ZNF665: variants seen among roughly 807,000 people sequenced by gnomAD.
ZNF665 encodes the protein zinc finger protein 665.
ZNF665 carries 6 observed loss-of-function variants against 7.9 expected under a neutral mutation model. That is an observed-to-expected ratio of 0.76 (90% CI 0.42 to 1.50). The LOEUF is 1.50. ZNF665 is among the 40% of genes most tolerant of loss of function. The probability of loss-of-function intolerance (pLI) is 0.01; values close to 1 mark genes in which losing one functional copy is unlikely to be tolerated. For synonymous variants in ZNF665, 242 were observed against 274.5 expected (o/e 0.88, Z 1.17); for missense variants, 819 against 806.7 (o/e 1.02, Z -0.18).
Position 53,183,090 on chromosome 19 carries a change from C to T in ZNF665, c.-45-147G>A, listed in dbSNP as rs1462757380. Reference sequence around the variant, plus strand: ...ACACAGGGAAGATGGTCCTCTGCTGCCCACTGCACCAGAAAAGATGCAGGG... The same window carrying T: ...ACACAGGGAAGATGGTCCTCTGCTGTCCACTGCACCAGAAAAGATGCAGGG... On this transcript the variant is annotated intron_variant, in intron 1 of 3. Transcript: ENST00000396424. 4 of 841,838 alleles carry T rather than the reference C, an allele frequency of 4.8e-6. No individual in the cohort carries two copies. In the Admixed American group the frequency reaches 6.4e-5, roughly 13 times the overall value. 52.1% of individuals were successfully genotyped at this position (841,838 alleles called of 1,614,324 possible). A position where few individuals can be genotyped will look rare whatever the true frequency, so the allele number is the denominator to read the frequency against.
intron 1 of ZNF665, among the ~76,000 whole-genome samples, chr19:53,189,051 C>CTGTGTGTGTGTG (rs60689265): frequency 0.039 from 5,309 of 137,606 alleles, 174 homozygotes; most frequent in East Asian, 0.13. Flanking sequence ...GCTTTATTTT[C>CTGTGTGTGTGTG]TGTGTGTGTG....
At position 53,189,136 on chromosome 19, in the gene ZNF665, G is replaced by T. The variant is rs1438750996; in HGVS notation, c.-46+4176C>A. On this transcript the variant is annotated intron_variant, in intron 1 of 3. Transcript: ENST00000396424. ...ATATGCTCATCAAAATAATTCCCTT[G>T]AAGTAAAAGTTGACACAGTGGAGGA... Among the ~76,000 whole-genome samples, 3 of 150,708 alleles carry T rather than the reference G, an allele frequency of 2.0e-5. 1 individual carries two copies. The South Asian group carries it at 6.4e-4, about 32-fold the overall frequency.
Position 53,180,936 on chromosome 19 carries a change from TA to T in ZNF665, c.15+1947del, listed in dbSNP as rs2090733502. Reference sequence around the variant, plus strand: ...GAAATCCTAAGATTAGGACATTTTTTAATATCATACATGAATAGATTTCAGA... The same window carrying T: ...GAAATCCTAAGATTAGGACATTTTTTATATCATACATGAATAGATTTCAGA... On this transcript the variant is annotated intron_variant, in intron 2 of 3. Coordinates refer to ENST00000396424, the MANE Select transcript of ZNF665 (RefSeq NM_024733.5). 2.6e-5 allele frequency: 4 copies of T among 152,328 alleles called. No individual in the cohort carries two copies. The South Asian group carries it at 8.3e-4, about 32-fold the overall frequency. The allele number at this position is 152,328 out of a possible 1,614,324, so 9.4% of individuals were successfully genotyped here.
At chr19:53,180,076 G>A (rs1391034188) in intron 2 of ZNF665, 1 of 152,128 alleles carries the variant, frequency 6.6e-6, no homozygotes, top group Admixed American at 6.6e-5. Flanking sequence ...TTTCACCAAA[G>A]GTCATTATAT....
At chr19:53,172,653 T>C (rs957599383) in intron 3 of ZNF665, among the ~76,000 whole-genome samples, 3 of 151,952 alleles carry the variant, frequency 2.0e-5, no homozygotes, top group African/African-American at 7.2e-5. Context: ...GGTGAAACCC[T>C]GTCTCTACCA....
chr19:53,191,069 C>A (rs143127234), intron 1 of ZNF665, among the ~76,000 whole-genome samples: 1 of 152,216 alleles, frequency 6.6e-6, no homozygotes, highest in African/African-American at 2.4e-5. Context: ...TCAATGGATC[C>A]GAAGCTCCGA....
At chr19:53,168,417 A>G (rs1248746338) in intron 3 of ZNF665, among the ~76,000 whole-genome samples, 1 of 152,190 alleles carries the variant, frequency 6.6e-6, no homozygotes, top group Non-Finnish European at 1.5e-5. Flanking sequence ...CTATACACTA[A>G]AAACTATAAA....
chr19:53,180,539 T>C (rs1044824072), intron 2 of ZNF665: 1 of 152,192 alleles, frequency 6.6e-6, no homozygotes, highest in Non-Finnish European at 1.5e-5. Context: ...TGGTATGTCT[T>C]TTATAAAACC....
intron 1 of ZNF665, among the ~76,000 whole-genome samples, chr19:53,192,766 A>G (rs2090827005): frequency 6.6e-6 from 1 of 152,096 alleles, no homozygotes; most frequent in Admixed American, 6.5e-5. Context: ...CGGGTATCAC[A>G]GGACAAGGCC....
rs754855776 is a variant in ZNF665, at chr19:53,164,903, T to A, written c.1587A>T (p.Leu529=). The A allele has an allele frequency of 6.2e-7, 1 of 1,614,158 alleles. No individual in the cohort carries two copies. The highest frequency in any genetic ancestry group is 1.1e-5 in the South Asian group (1 of 91,080). The change falls in exon 4 of 4, where the codon CTA becomes CTT. Residue 529 remains leucine, a synonymous_variant. Transcript: ENST00000396424. ...CAGTATGTATTGTCTGATGTATAGT[T>A]AGGCTTGAATGAACACTAAAGGCTT... ...CGKAFSVHSS[L]TIHQTIHTGQ...
chr19:53,189,623 G>C (rs902529586), intron 1 of ZNF665, among the ~76,000 whole-genome samples: 3 of 148,230 alleles, frequency 2.0e-5, no homozygotes, highest in Admixed American at 6.8e-5. Context: ...AGGTGTACAG[G>C]ATGGAACATG....
chr19:53,173,259 A>G (rs574992024), intron 3 of ZNF665, among the ~76,000 whole-genome samples: 22 of 148,854 alleles, frequency 1.5e-4, no homozygotes, highest in Admixed American at 9.4e-4. Flanking sequence ...GTGTGTGGAT[A>G]TTGCTTTTTT....
chr19:53,174,556 T>C (rs2090682035), intron 3 of ZNF665, among the ~76,000 whole-genome samples: 1 of 152,168 alleles, frequency 6.6e-6, no homozygotes. Context: ...CCAGTTTCTA[T>C]TGTCTCTTGG....
chr19:53,164,557 T>C lies in ZNF665; in HGVS notation c.1933A>G (p.Met645Val). The change falls in exon 4 of 4, where the codon ATG (methionine) becomes GTG (valine). Residue 645 changes from methionine to valine, a missense_variant. Transcript: ENST00000396424. ...GGTTTGTCTCCAGTATGGACTGCCA[T>C]ATGGGTAGTTAGGGTTGAACGAACA... The part of the protein sequence containing the change: ...FSVRSTLTTH[M>V]AVHTGDKPYK... 1 of 1,614,042 alleles carries C rather than the reference T, an allele frequency of 6.2e-7. No homozygotes were observed. Among genetic ancestry groups the C allele is most frequent in the Non-Finnish European group, 8.5e-7 (1 of 1,179,936 alleles).
chr19:53,171,524 A>ATTTTTT (rs1215685651), intron 3 of ZNF665, among the ~76,000 whole-genome samples: 24 of 69,322 alleles, frequency 3.5e-4, no homozygotes, highest in African/African-American at 6.7e-4. Context: ...ATATATATAT[A>ATTTTTT]TTTTTTTTTT....
intron 1 of ZNF665, among the ~76,000 whole-genome samples, chr19:53,189,733 A>G (rs1000976715): frequency 1.4e-4 from 21 of 149,984 alleles, no homozygotes; most frequent in African/African-American, 5.1e-4. Context: ...CAGGCCCTCC[A>G]CAAGAGGTGG....
chr19:53,189,767 C>T (rs965339636), intron 1 of ZNF665, among the ~76,000 whole-genome samples: 4 of 151,164 alleles, frequency 2.6e-5, no homozygotes, highest in Non-Finnish European at 4.4e-5. Context: ...TCTCTAAACT[C>T]CCCCGGGGAA....
chr19:53,178,039 T>C (rs1021684357), intron 2 of ZNF665, among the ~76,000 whole-genome samples: 1 of 152,218 alleles, frequency 6.6e-6, no homozygotes, highest in East Asian at 1.9e-4. Flanking sequence ...CCCTGAATAA[T>C]CTTCCAAAGA....
chr19:53,181,404 G>C (rs983012023), intron 2 of ZNF665: 1 of 151,848 alleles, frequency 6.6e-6, no homozygotes, highest in Non-Finnish European at 1.5e-5. Flanking sequence ...CTGGGCGACA[G>C]GGCCGGACCT....
Sources: allele counts gnomAD v4.1 joint callset (sites outside exome capture counted in the v4.1 genomes callset), GRCh38; gene constraint gnomAD v4.1.1; transcripts MANE v1.5; gene names NCBI Gene and HGNC (gene_info 2026-07-23, HGNC 2026-07-21).